The following RPH3A variants were observed in gnomAD, a reference collection of about 807,000 sequenced individuals.
RPH3A encodes the protein rabphilin-3A.
Under a neutral mutation model 102.2 loss-of-function variants are expected in RPH3A, and 48 were observed. The observed-to-expected ratio is 0.47, with a 90% CI of 0.37 to 0.60. The LOEUF is 0.60. RPH3A is among the 20% of genes least tolerant of loss of function. The probability of loss-of-function intolerance (pLI) is 0.00; values close to 1 mark genes in which losing one functional copy is unlikely to be tolerated. For synonymous variants in RPH3A, 310 were observed against 324.3 expected (o/e 0.96, Z 0.47); for missense variants, 781 against 910.1 (o/e 0.86, Z 1.83).
intron 2 of RPH3A, among the ~76,000 whole-genome samples, chr12:112,793,349 T>A (rs1458977365): frequency 2.0e-5 from 3 of 152,240 alleles, no homozygotes. Context: ...AGGGGCCACC[T>A]CAGTGTTCTG....
intron 6 of RPH3A, among the ~76,000 whole-genome samples, chr12:112,866,303 A>G (rs1565929263): frequency 6.6e-6 from 1 of 152,238 alleles, no homozygotes. Context: ...AGGAAATTCA[A>G]TAAAAAATAC....
intron 4 of RPH3A, 109 bp from the exon 5 acceptor site, chr12:112,847,587 T>G: frequency 7.3e-6 from 9 of 1,229,204 alleles, no homozygotes; most frequent in Non-Finnish European, 1.0e-5. Flanking sequence ...ATTGAAGCTC[T>G]GAGAGAGATG....
intron 1 of RPH3A, among the ~76,000 whole-genome samples, chr12:112,770,465 C>A (rs1477935795): frequency 6.6e-6 from 1 of 152,104 alleles, no homozygotes; most frequent in Non-Finnish European, 1.5e-5. Flanking sequence ...CCCATCTCAG[C>A]CTCCTGAGTA....
At chr12:112,675,777 T>C (rs1307183987) in intron 1 of RPH3A, among the ~76,000 whole-genome samples, 1 of 152,104 alleles carries the variant, frequency 6.6e-6, no homozygotes, top group Non-Finnish European at 1.5e-5. Context: ...AAATTGGATA[T>C]TTTCAGGGTC....
intron 1 of RPH3A, among the ~76,000 whole-genome samples, chr12:112,727,001 C>T (rs1366616060): frequency 3.3e-5 from 5 of 151,392 alleles, no homozygotes; most frequent in African/African-American, 1.2e-4. Flanking sequence ...GAAGCTGGGG[C>T]GACAGAGCCA....
chr12:112,649,578 T>G (rs915623789), intron 1 of RPH3A: 1 of 152,216 alleles, frequency 6.6e-6, no homozygotes, highest in Non-Finnish European at 1.5e-5. Flanking sequence ...AATATCTGCA[T>G]TCACAGATGT....
chr12:112,818,253 C>T (rs1227603148), intron 2 of RPH3A, among the ~76,000 whole-genome samples: 2 of 147,290 alleles, frequency 1.4e-5, no homozygotes, highest in Admixed American at 6.9e-5. Context: ...GAGCCGAGAT[C>T]GCGCCACTGC....
At chr12:112,628,228 TTAA>T (rs1455491077) in intron 1 of RPH3A, among the ~76,000 whole-genome samples, 1 of 151,828 alleles carries the variant, frequency 6.6e-6, no homozygotes, top group Non-Finnish European at 1.5e-5. Flanking sequence ...GTGAGGCATG[TTAA>T]TAATGAGGGA....
At chr12:112,601,350 C>A (rs1197144681) in intron 1 of RPH3A, among the ~76,000 whole-genome samples, 4 of 152,078 alleles carry the variant, frequency 2.6e-5, no homozygotes, top group Non-Finnish European at 5.9e-5. Flanking sequence ...AAAACAGGAG[C>A]CTTCAACAGT....
chr12:112,785,710 G>T (rs1458006940), intron 1 of RPH3A, among the ~76,000 whole-genome samples: 1 of 152,134 alleles, frequency 6.6e-6, no homozygotes, highest in Admixed American at 6.5e-5. Context: ...TGAGGCAAAG[G>T]GAGGTTTAGT....
chr12:112,656,967 G>A (rs1021472478), intron 1 of RPH3A, among the ~76,000 whole-genome samples: 1 of 152,066 alleles, frequency 6.6e-6, no homozygotes, highest in Non-Finnish European at 1.5e-5. Flanking sequence ...TAGATATCCA[G>A]TAGTGGAATT....
rs528965175 is a variant in RPH3A, at chr12:112,679,486, C to G, written c.-140+104167C>G. Among the ~76,000 whole-genome samples, 5 of 152,162 alleles carry G rather than the reference C, an allele frequency of 3.3e-5. No individual in the cohort carries two copies. In the South Asian group the frequency reaches 1.0e-3, roughly 32 times the overall value. ...TGTCCCCCGGTCTGGAGTGCCGTGG[C>G]GCAATCTTGGCTCACTGCAACCTCC... On this transcript the variant is annotated intron_variant, in intron 1 of 21. Coordinates refer to the RPH3A transcript ENST00000543106.
At chr12:112,886,369 C>T (rs966824713) in intron 16 of RPH3A, among the ~76,000 whole-genome samples, 1 of 151,950 alleles carries the variant, frequency 6.6e-6, no homozygotes, top group African/African-American at 2.4e-5. Flanking sequence ...AGGATGGTTA[C>T]AGGATGAAAC....
chr12:112,800,419 G>A (rs914858717), intron 2 of RPH3A, among the ~76,000 whole-genome samples: 1 of 152,160 alleles, frequency 6.6e-6, no homozygotes, highest in Admixed American at 6.5e-5. Context: ...GGAACAACAG[G>A]TTCAGATCAG....
intron 1 of RPH3A, among the ~76,000 whole-genome samples, chr12:112,740,182 A>G (rs1269016547): frequency 1.3e-5 from 2 of 152,202 alleles, no homozygotes; most frequent in African/African-American, 2.4e-5. Flanking sequence ...GGAGATAATA[A>G]TAGTACCTTC....
chr12:112,739,838 C>T (rs1280697617), intron 1 of RPH3A, among the ~76,000 whole-genome samples: 1 of 152,172 alleles, frequency 6.6e-6, no homozygotes, highest in African/African-American at 2.4e-5. Flanking sequence ...GGAATTTCTT[C>T]CCCTCCCTCT....
chr12:112,643,716 G>T (rs1248483287), intron 1 of RPH3A, among the ~76,000 whole-genome samples: 1 of 152,226 alleles, frequency 6.6e-6, no homozygotes, highest in East Asian at 1.9e-4. Context: ...CAGAAAACAG[G>T]TCAGGGAGTT....
chr12:112,581,480 T>A (rs1158280778), intron 1 of RPH3A, among the ~76,000 whole-genome samples: 1 of 151,876 alleles, frequency 6.6e-6, no homozygotes, highest in Non-Finnish European at 1.5e-5. Flanking sequence ...ATATTAAGAG[T>A]CTCGACAAAA....
At chr12:112,691,811 A>G (rs1486315339) in intron 1 of RPH3A, among the ~76,000 whole-genome samples, 1 of 152,226 alleles carries the variant, frequency 6.6e-6, no homozygotes, top group Admixed American at 6.5e-5. Flanking sequence ...TCCCACTTTA[A>G]GTGCAATATG....
Sources: allele counts gnomAD v4.1 joint callset (sites outside exome capture counted in the v4.1 genomes callset), GRCh38; gene constraint gnomAD v4.1.1; transcripts MANE v1.5; gene names NCBI Gene and HGNC (gene_info 2026-07-23, HGNC 2026-07-21).